MED12L: variants seen among roughly 807,000 people sequenced by gnomAD.
The protein encoded by MED12L is mediator of RNA polymerase II transcription subunit 12-like protein.
A neutral mutation model predicts 281.3 loss-of-function variants in MED12L; 60 were observed. The ratio of observed to expected loss-of-function variants is 0.21; its 90% CI spans 0.17 to 0.26. The LOEUF is 0.26. Ranked by LOEUF, MED12L falls within the 10% of genes least tolerant of loss-of-function variation. The pLI, the probability that MED12L is intolerant of heterozygous loss-of-function variation, is 1.00. For synonymous variants in MED12L, 974 were observed against 987.2 expected (o/e 0.99, Z 0.25); for missense variants, 2,146 against 2,680.9 (o/e 0.80, Z 4.41).
chr3:151,313,407 G>C (rs1480427068), intron 16 of MED12L, among the ~76,000 whole-genome samples: 1 of 152,138 alleles, frequency 6.6e-6, no homozygotes, highest in South Asian at 2.1e-4. Flanking sequence ...AGAGGTAACA[G>C]CAAATACAGC....
At chr3:151,395,538 A>G (rs1400521347) in intron 39 of MED12L, among the ~76,000 whole-genome samples, 1 of 152,224 alleles carries the variant, frequency 6.6e-6, no homozygotes, top group Non-Finnish European at 1.5e-5. Flanking sequence ...TGTACATTAA[A>G]ATAAAGTGTG....
intron 16 of MED12L, among the ~76,000 whole-genome samples, chr3:151,271,757 C>G (rs1468634167): frequency 1.3e-5 from 2 of 152,100 alleles, no homozygotes; most frequent in Admixed American, 6.5e-5. Flanking sequence ...TTGAGCAAAA[C>G]AAGTCAGACA....
intron 16 of MED12L, chr3:151,295,421 G>C: frequency 1.9e-6 from 1 of 532,192 alleles, no homozygotes; most frequent in Non-Finnish European, 3.3e-6. Flanking sequence ...CTCATATCAG[G>C]ACCCTTGAGT....
intron 22 of MED12L, 98 bp from the exon 23 acceptor site, chr3:151,365,752 G>A (rs1755197622): frequency 2.7e-6 from 3 of 1,118,404 alleles, no homozygotes; most frequent in Admixed American, 5.1e-5. Flanking sequence ...AAAATGACTT[G>A]TTTGATGTTA....
chr3:151,165,599 C>T, intron 10 of MED12L, 80 bp downstream of exon 10: 2 of 1,253,838 alleles, frequency 1.6e-6, no homozygotes, highest in Non-Finnish European at 2.3e-6. Context: ...AACCATTCCA[C>T]ATGAATAAGG....
intron 16 of MED12L, among the ~76,000 whole-genome samples, chr3:151,329,314 T>C (rs1440342813): frequency 6.6e-6 from 1 of 152,216 alleles, no homozygotes; most frequent in Non-Finnish European, 1.5e-5. Flanking sequence ...GTTTAAGAGA[T>C]AATAATACAT....
chr3:151,338,782 T>C, intron 16 of MED12L: 1 of 1,613,386 alleles, frequency 6.2e-7, no homozygotes, highest in Non-Finnish European at 8.5e-7. Flanking sequence ...TGGGTGATTT[T>C]GTAGTCTCTG....
chr3:151,295,363 T>C, intron 16 of MED12L: 2 of 597,460 alleles, frequency 3.3e-6, no homozygotes, highest in Non-Finnish European at 5.9e-6. Context: ...ATTGTTAATG[T>C]TTTGAGTGGC....
At chr3:151,097,835 CTG>C (rs1249744130) in intron 2 of MED12L, among the ~76,000 whole-genome samples, 1 of 152,304 alleles carries the variant, frequency 6.6e-6, no homozygotes, top group South Asian at 2.1e-4. Flanking sequence ...GGTTGAGAAA[CTG>C]TCGTCTAGAG....
At chr3:151,283,994 G>C (rs1369127065) in intron 16 of MED12L, among the ~76,000 whole-genome samples, 2 of 152,294 alleles carry the variant, frequency 1.3e-5, no homozygotes, top group South Asian at 2.1e-4. Flanking sequence ...TAACTGCTCA[G>C]CTTTTTAATA....
At chr3:151,250,452 A>G (rs532748776) in intron 16 of MED12L, among the ~76,000 whole-genome samples, 3 of 152,152 alleles carry the variant, frequency 2.0e-5, no homozygotes, top group Non-Finnish European at 2.9e-5. Flanking sequence ...CCTTGCCCCT[A>G]GTCCCTGGTA....
intron 44 of MED12L, among the ~76,000 whole-genome samples, chr3:151,431,915 T>C (rs1244866835): frequency 2.6e-5 from 4 of 152,192 alleles, no homozygotes; most frequent in Non-Finnish European, 4.4e-5. Flanking sequence ...AACGGGAACA[T>C]TGACTAATTT....
At chr3:151,377,951 A>G in intron 30 of MED12L, 61 bp from the exon 31 acceptor site, 2 of 1,462,592 alleles carry the variant, frequency 1.4e-6, no homozygotes, top group Non-Finnish European at 1.8e-6. Context: ...AGTTTCTGTT[A>G]TAACTGTGAG....
intron 16 of MED12L, 166 bp downstream of exon 16, chr3:151,193,832 T>G: frequency 1.8e-6 from 1 of 541,484 alleles, no homozygotes; most frequent in East Asian, 2.9e-5. Context: ...GCTTATGTAC[T>G]GAGGTTGTCC....
At chr3:151,406,799 CTTCT>C (rs1432933055) in intron 39 of MED12L, among the ~76,000 whole-genome samples, 8 of 94,314 alleles carry the variant, frequency 8.5e-5, no homozygotes, top group Admixed American at 1.2e-4. Context: ...ATTTCTTCTT[CTTCT>C]TTTTTTTTTT....
intron 2 of MED12L, among the ~76,000 whole-genome samples, chr3:151,112,789 G>C (rs990261612): frequency 1.3e-5 from 2 of 152,188 alleles, no homozygotes; most frequent in Admixed American, 6.5e-5. Context: ...TGACAAAGCA[G>C]TGCTAGTTAG....
At chr3:151,181,339 T>A (rs377483578) in intron 11 of MED12L, among the ~76,000 whole-genome samples, 2 of 152,198 alleles carry the variant, frequency 1.3e-5, no homozygotes, top group East Asian at 3.9e-4. Flanking sequence ...CTTTTAAAAA[T>A]AAAAATTGGT....
At chr3:151,100,867 A>T (rs530075116) in intron 2 of MED12L, among the ~76,000 whole-genome samples, 1 of 152,290 alleles carries the variant, frequency 6.6e-6, no homozygotes, top group African/African-American at 2.4e-5. Context: ...GTTAGGTGAT[A>T]TGGGGGTGTA....
At chr3:151,393,531 G>A (rs62285886) in intron 38 of MED12L, among the ~76,000 whole-genome samples, 9,037 of 145,590 alleles carry the variant, frequency 0.062, 405 homozygotes, top group Middle Eastern at 0.2. Flanking sequence ...GTAAAGATAA[G>A]CTGTTAATTT....
Sources: gnomAD v4.1 joint callset for allele counts (sites outside exome capture counted in the v4.1 genomes callset) on GRCh38, gnomAD v4.1.1 for gene constraint, MANE v1.5 for transcripts, NCBI Gene and HGNC (gene_info 2026-07-23, HGNC 2026-07-21) for gene names.